Variants in SNTG1 observed in about 807,000 individuals in gnomAD.
The protein encoded by SNTG1 is syntrophin gamma 1, also known as gamma-1-syntrophin.
SNTG1 carries 39 observed loss-of-function variants against 74.7 expected under a neutral mutation model. The ratio of observed to expected loss-of-function variants is 0.52; its 90% CI spans 0.40 to 0.68. The LOEUF (loss-of-function observed/expected upper bound fraction) is 0.68. Among genes scored for constraint, SNTG1 ranks in the 30% least tolerant of loss-of-function variants. The pLI is 0.00. For missense variants in SNTG1, 685 were observed against 609.5 expected, an observed-to-expected ratio of 1.12 and a Z score of -1.30; for synonymous variants, 254 against 217.1, an observed-to-expected ratio of 1.17 and a Z score of -1.49.
intron 13 of SNTG1, among the ~76,000 whole-genome samples, chr8:50,628,496 C>A (rs971930397): frequency 1.3e-5 from 2 of 152,086 alleles, no homozygotes; most frequent in African/African-American, 2.4e-5. Context: ...TCTTCCAGAA[C>A]TGTCATGTTC....
rs566583365 is a variant in SNTG1 at position 50,509,850 on chromosome 8, T to A, written c.466+6970T>A. On this transcript the variant is annotated intron_variant, in intron 9 of 18. Transcript: ENST00000642720. ...ATGGGGTTTTCTAAATATACAATCA[T>A]GTCATCTGCAAGCAGGGACAATTTG... Among the ~76,000 whole-genome samples the A allele has an allele frequency of 2.6e-5, 4 of 152,296 alleles. No homozygotes were observed. In the East Asian group the frequency reaches 7.7e-4, roughly 29 times the overall value.
chr8:50,207,246 C>T (rs1271782144), intron 2 of SNTG1, among the ~76,000 whole-genome samples: 2 of 152,060 alleles, frequency 1.3e-5, no homozygotes, highest in East Asian at 3.9e-4. Context: ...ATTTCAGAGC[C>T]TGTTATTGGT....
intron 1 of SNTG1, among the ~76,000 whole-genome samples, chr8:50,105,379 T>A (rs761604581): frequency 7.9e-5 from 12 of 152,138 alleles, no homozygotes; most frequent in Non-Finnish European, 1.8e-4. Flanking sequence ...TCTATTCCAT[T>A]GGTTTGTGTT....
rs147330451 is a variant in SNTG1, at chr8:50,745,391, C to G, written c.1285-6610C>G. Among the ~76,000 whole-genome samples the G allele has an allele frequency of 2.2e-3, 334 of 152,026 alleles. 2 individuals carry two copies. The highest frequency in any genetic ancestry group is 7.6e-3 in the African/African-American group (316 of 41,528). On this transcript the variant is annotated intron_variant, in intron 17 of 18. Transcript: ENST00000642720. ...TGGCAAAAATCAGAAAGAAAACAAA[C>G]AAAGTTGTTGATGAGGATGTGGAGA...
At chr8:50,547,343 A>G (rs867959733) in intron 11 of SNTG1, among the ~76,000 whole-genome samples, 31 of 152,144 alleles carry the variant, frequency 2.0e-4, no homozygotes, top group Middle Eastern at 3.2e-3. Flanking sequence ...TAAGGCATGC[A>G]AGTATTCCTT....
intron 3 of SNTG1, among the ~76,000 whole-genome samples, chr8:50,398,329 A>G (rs1051948447): frequency 7.2e-5 from 11 of 152,180 alleles, no homozygotes; most frequent in African/African-American, 2.7e-4. Flanking sequence ...GGTCCTCTCC[A>G]GACATCTCTC....
At chr8:50,295,635 G>T (rs1036893090) in intron 2 of SNTG1, among the ~76,000 whole-genome samples, 2 of 152,048 alleles carry the variant, frequency 1.3e-5, no homozygotes, top group African/African-American at 2.4e-5. Context: ...ACTGCCAAAG[G>T]TTGTTTGCAT....
At chr8:50,228,825 T>C (rs1256022620) in intron 2 of SNTG1, among the ~76,000 whole-genome samples, 1 of 151,768 alleles carries the variant, frequency 6.6e-6, no homozygotes, top group Non-Finnish European at 1.5e-5. Flanking sequence ...AATGCATACC[T>C]GTAGAAAGAA....
intron 13 of SNTG1, among the ~76,000 whole-genome samples, chr8:50,602,903 T>A (rs1451941303): frequency 1.3e-5 from 2 of 151,758 alleles, no homozygotes; most frequent in Non-Finnish European, 2.9e-5. Flanking sequence ...TAAGGTATTT[T>A]TTTTTTTTTT....
intron 8 of SNTG1, among the ~76,000 whole-genome samples, chr8:50,469,143 G>A (rs73583472): frequency 6.6e-6 from 1 of 152,044 alleles, no homozygotes; most frequent in African/African-American, 2.4e-5. Context: ...AATCCCTGTA[G>A]GAATTCCTAC....
chr8:49,922,725 G>GT (rs1325047949), intron 1 of SNTG1, among the ~76,000 whole-genome samples: 2 of 151,986 alleles, frequency 1.3e-5, no homozygotes, highest in Non-Finnish European at 2.9e-5. Context: ...TAATTATCTG[G>GT]TTTTAGAGTT....
intron 1 of SNTG1, among the ~76,000 whole-genome samples, chr8:50,139,695 G>A (rs1252430977): frequency 6.6e-6 from 1 of 152,204 alleles, no homozygotes; most frequent in Non-Finnish European, 1.5e-5. Flanking sequence ...CTACATTTAT[G>A]GGACTCTAGA....
chr8:50,732,270 C>T (rs2095514674), intron 17 of SNTG1, among the ~76,000 whole-genome samples: 1 of 151,690 alleles, frequency 6.6e-6, no homozygotes, highest in African/African-American at 2.4e-5. Flanking sequence ...ATTTCAAAAC[C>T]TTGCATTTAT....
intron 1 of SNTG1, among the ~76,000 whole-genome samples, chr8:50,085,430 T>G (rs1260518901): frequency 6.6e-6 from 1 of 152,214 alleles, no homozygotes; most frequent in Non-Finnish European, 1.5e-5. Context: ...GCAAACAAAA[T>G]ATTTTTCTCA....
intron 2 of SNTG1, among the ~76,000 whole-genome samples, chr8:50,226,152 A>G (rs2085316720): frequency 6.6e-6 from 1 of 152,160 alleles, no homozygotes; most frequent in Admixed American, 6.6e-5. Context: ...CAAATGTTAT[A>G]TATATTGAGG....
At chr8:50,303,280 T>A (rs898685080) in intron 2 of SNTG1, among the ~76,000 whole-genome samples, 1 of 152,112 alleles carries the variant, frequency 6.6e-6, no homozygotes, top group Non-Finnish European at 1.5e-5. Context: ...AATCACAACA[T>A]TAAATTAGTT....
chr8:50,052,755 T>G (rs987267330), intron 1 of SNTG1, among the ~76,000 whole-genome samples: 3 of 152,080 alleles, frequency 2.0e-5, no homozygotes, highest in African/African-American at 7.2e-5. Context: ...ATTTAAGGAA[T>G]TAAAGAGATA....
intron 2 of SNTG1, among the ~76,000 whole-genome samples, chr8:50,208,929 AG>A (rs1332188008): frequency 1.3e-5 from 2 of 152,212 alleles, no homozygotes; most frequent in Non-Finnish European, 2.9e-5. Context: ...GGAGCAGGGC[AG>A]GGCATCGCCT....
chr8:50,638,970 A>G (rs986322591), intron 13 of SNTG1, among the ~76,000 whole-genome samples: 1 of 152,258 alleles, frequency 6.6e-6, no homozygotes, highest in South Asian at 2.1e-4. Context: ...AGATCATTTT[A>G]TGCTAAAAGC....
Sources: allele counts gnomAD v4.1 joint callset (sites outside exome capture counted in the v4.1 genomes callset), GRCh38; gene constraint gnomAD v4.1.1; transcripts MANE v1.5; gene names NCBI Gene and HGNC (gene_info 2026-07-23, HGNC 2026-07-21).